Variants in RFC2 observed in about 807,000 individuals in gnomAD.
The protein encoded by RFC2 is A1 40 kDa subunit.
A neutral mutation model predicts 44.8 loss-of-function variants in RFC2; 34 were observed. The observed-to-expected ratio is 0.76, with a 90% CI of 0.58 to 1.01. The LOEUF (loss-of-function observed/expected upper bound fraction) is 1.01, where lower values mean the gene tolerates loss of function less well. Among genes scored for constraint, RFC2 ranks in the 50% least tolerant of loss-of-function variants. The pLI is 0.00. For missense variants in RFC2, 400 were observed against 453.6 expected (o/e 0.88, Z 1.07); for synonymous variants, 177 against 168.9 (o/e 1.05, Z -0.37).
intron 9 of RFC2, 67 bp downstream of exon 9, chr7:74,237,295 G>A (rs1803074862): frequency 1.9e-6 from 2 of 1,055,740 alleles, no homozygotes; most frequent in Non-Finnish European, 2.9e-6. Context: ...GTACCAGAAG[G>A]GCTCCCGCTC....
At position 74,249,955 on chromosome 7, in the gene RFC2, C is replaced by A. The variant is rs932280675; in HGVS notation, c.184-175G>T. ...AGGACAATCACTTGAGGCCTGAGGC[C>A]AGCCTGGGCAACACAGTGAGACTCT... On this transcript the variant is annotated intron_variant, in intron 2 of 10. Coordinates refer to ENST00000055077, the MANE Select transcript of RFC2 (RefSeq NM_181471.3). 5.3e-5 allele frequency: 34 copies of A among 646,168 alleles called. No individual in the cohort carries two copies. The African/African-American group carries it at 5.4e-4, about 10-fold the overall frequency. 40.0% of individuals were successfully genotyped at this position (646,168 alleles called of 1,614,324 possible). A position where few individuals can be genotyped will look rare whatever the true frequency, so the allele number is the denominator to read the frequency against.
intron 5 of RFC2, among the ~76,000 whole-genome samples, chr7:74,245,310 G>A (rs1355671882): frequency 2.0e-5 from 3 of 151,412 alleles, no homozygotes; most frequent in South Asian, 2.1e-4. Context: ...ATGAGCCACC[G>A]AGCCTGGACT....
chr7:74,244,360 A>T lies in RFC2; in HGVS notation c.435-1114T>A, dbSNP rs533646185. 3.7e-3 allele frequency among the ~76,000 whole-genome samples: 545 copies of T among 146,644 alleles called. 6 individuals carry two copies. The highest frequency in any genetic ancestry group is 0.01 in the African/African-American group (412 of 40,428). ...ATTACTGCCACATTAAAAAAAAAAAATTTTTTTTTTGAAACAGAGTCTTGC... is the reference window on the plus strand; with the variant it reads ...ATTACTGCCACATTAAAAAAAAAAATTTTTTTTTTTGAAACAGAGTCTTGC... On this transcript the variant is annotated intron_variant, in intron 5 of 10. Transcript: ENST00000055077.
Position 74,238,707 on chromosome 7 carries a change from CCA to C in RFC2, c.759+214_759+215del, listed in dbSNP as rs1803154265. 6.6e-6 allele frequency among the ~76,000 whole-genome samples: 1 copy of C among 152,156 alleles called. No individual in the cohort carries two copies. Among genetic ancestry groups the C allele is most frequent in the Non-Finnish European group, 1.5e-5 (1 of 68,024 alleles). ...TGCATCCGTGGTCCTCCCTCACCTACCACACACAAGTGACGTTCCAGGTCCCC... is the reference window on the plus strand; with the variant it reads ...TGCATCCGTGGTCCTCCCTCACCTACCACACAAGTGACGTTCCAGGTCCCC... On this transcript the variant is annotated intron_variant, in intron 8 of 10. Transcript: ENST00000055077. This position sits in a 1 kb window ranked among gnomAD's most constrained non-coding sequence, Gnocchi z 4.0.
At chr7:74,236,693 G>T (rs1310640087) in intron 9 of RFC2, among the ~76,000 whole-genome samples, 1 of 152,202 alleles carries the variant, frequency 6.6e-6, no homozygotes, top group Non-Finnish European at 1.5e-5. Flanking sequence ...CCTGGAGAAG[G>T]AGCTAGGCTG....
In RFC2 at chr7:74,254,119, T is replaced by C. The variant is rs1181010544; in HGVS notation, c.113+152A>G. 4 of 669,348 alleles carry C rather than the reference T, an allele frequency of 6.0e-6. No individual in the cohort carries two copies. The East Asian group carries it at 8.2e-5, about 14-fold the overall frequency. 41.5% of individuals were successfully genotyped at this position (669,348 alleles called of 1,614,324 possible). On this transcript the variant is annotated intron_variant, in intron 1 of 10. Transcript: ENST00000055077. ...CACTCTCGATCCATGTCCGTCGCCT[T>C]CTTGAAATCATCTCGATGCCACCCG...
chr7:74,236,790 C>T (rs1554718367), intron 9 of RFC2, among the ~76,000 whole-genome samples: 1 of 152,086 alleles, frequency 6.6e-6, no homozygotes. Flanking sequence ...TCTAGTTCTA[C>T]TGCTTTTAAA....
At chr7:74,245,191 G>C (rs1218792024) in intron 5 of RFC2, among the ~76,000 whole-genome samples, 2 of 151,660 alleles carry the variant, frequency 1.3e-5, no homozygotes, top group Admixed American at 6.6e-5. Flanking sequence ...CACCACACCT[G>C]GCTAATTTTG....
chr7:74,246,710 G>C lies in RFC2; in HGVS notation c.386C>G (p.Thr129Ser). 2 of 1,613,262 alleles carry C rather than the reference G, an allele frequency of 1.2e-6. No individual in the cohort carries two copies. Among genetic ancestry groups the C allele is most frequent in the Non-Finnish European group, 1.7e-6 (2 of 1,179,480 alleles). ...KIKMFAQQKV[T>S]LPKGRHKIII... is the part of the protein sequence containing the mutation. ...GATCTTATGTCGGCCTTTGGGAAGA[G>C]TGACTTTTTGTTGAGCAAACATTTT... Residue 129 changes from threonine (T) to serine (S), a missense_variant, in exon 5 of 11, where the codon ACT (threonine) becomes AGT (serine). Thr to Ser is a moderately conservative substitution (Grantham distance 58). Transcript: ENST00000055077.
chr7:74,251,826 G>A lies in RFC2; in HGVS notation c.183+603C>T, dbSNP rs1235979181. Among the ~76,000 whole-genome samples the A allele has an allele frequency of 3.5e-5, 5 of 143,516 alleles. No homozygotes were observed. In the East Asian group the frequency reaches 6.2e-4, roughly 18 times the overall value. 94.2% of individuals were successfully genotyped at this position (143,516 alleles called of 152,430 possible). On this transcript the variant is annotated intron_variant, in intron 2 of 10. Transcript: ENST00000055077. ...AAAAAAAAAAAAAAAGGCCGGGCGC[G>A]GTGGTTCACGCCTGTAATCCCAGCA...
At chr7:74,236,543 C>T (rs1342885279) in intron 9 of RFC2, among the ~76,000 whole-genome samples, 1 of 152,206 alleles carries the variant, frequency 6.6e-6, no homozygotes, top group Non-Finnish European at 1.5e-5. Flanking sequence ...AATCTGCTCA[C>T]AGCACTCAGT....
At chr7:74,247,977 C>A (rs962843146) in intron 4 of RFC2, among the ~76,000 whole-genome samples, 11 of 151,974 alleles carry the variant, frequency 7.2e-5, no homozygotes, top group Non-Finnish European at 1.6e-4. Context: ...TACTTTTATA[C>A]AGAGATGGGG....
In RFC2 at chr7:74,247,901, C is replaced by T. The variant is rs144252045; in HGVS notation, c.332+1111G>A. Among the ~76,000 whole-genome samples, 44 of 152,264 alleles carry T rather than the reference C, an allele frequency of 2.9e-4. 1 individual carries two copies. The highest frequency in any genetic ancestry group is 4.7e-4 in the Non-Finnish European group (32 of 68,026). ...CACCAAAATTCACTTTTGCTCAAGT[C>T]CCTTATATGAAATGGTATAGTATTT... On this transcript the variant is annotated intron_variant, in intron 4 of 10. Transcript: ENST00000055077.
At chr7:74,242,978 G>A (rs1803421918) in intron 6 of RFC2, among the ~76,000 whole-genome samples, 168 bp downstream of exon 6, 1 of 151,934 alleles carries the variant, frequency 6.6e-6, no homozygotes, top group Non-Finnish European at 1.5e-5. Flanking sequence ...TCAGCTACTG[G>A]GAGGCTGAGG....
intron 5 of RFC2, among the ~76,000 whole-genome samples, chr7:74,245,925 G>A (rs1329735006): frequency 3.3e-5 from 5 of 150,762 alleles, no homozygotes; most frequent in African/African-American, 4.9e-5. Flanking sequence ...GGCCAGGCTC[G>A]GTGGCTCATG....
rs1803177033 is a variant in RFC2, at chr7:74,239,089, C to T, written c.694-101G>A. 3 of 939,678 alleles carry T rather than the reference C, an allele frequency of 3.2e-6. No individual in the cohort carries two copies. The South Asian group carries it at 4.3e-5, about 14-fold the overall frequency. 58.2% of individuals were successfully genotyped at this position (939,678 alleles called of 1,614,324 possible). A position where few individuals can be genotyped will look rare whatever the true frequency, so the allele number is the denominator to read the frequency against. On this transcript the variant is annotated intron_variant, in intron 7 of 10. Coordinates refer to ENST00000055077, the MANE Select transcript of RFC2 (RefSeq NM_181471.3). ...TGTTGCCCAGGCTGGTCTCGAACTC[C>T]TGGGCTTAAGCGATTCTCCCACCTC...
At chr7:74,249,931 G>T in intron 2 of RFC2, 151 bp from the exon 3 acceptor site, 1 of 710,416 alleles carries the variant, frequency 1.4e-6, no homozygotes, top group East Asian at 2.7e-5. Flanking sequence ...GGCCAAGGCA[G>T]GACAATCACT....
At chr7:74,233,062 T>C (rs1203549718) in intron 10 of RFC2, among the ~76,000 whole-genome samples, 1 of 151,288 alleles carries the variant, frequency 6.6e-6, no homozygotes, top group Non-Finnish European at 1.5e-5. Context: ...AAAATAAAAA[T>C]GACCCAAGTG....
intron 5 of RFC2, among the ~76,000 whole-genome samples, chr7:74,244,070 G>A: frequency 8.0e-6 from 1 of 124,406 alleles, no homozygotes; most frequent in Admixed American, 9.4e-5. Context: ...GGCCAACACA[G>A]CAAAACGTCA....
Sources: allele counts gnomAD v4.1 joint callset (sites outside exome capture counted in the v4.1 genomes callset), GRCh38; gene constraint gnomAD v4.1.1; non-coding constraint Gnocchi (gnomAD v3.1); transcripts MANE v1.5; gene names NCBI Gene and HGNC (gene_info 2026-07-23, HGNC 2026-07-21).